ABCA12: variants seen among roughly 807,000 people sequenced by gnomAD.
ABCA12 encodes the protein ATP binding cassette subfamily A member 12.
A neutral mutation model predicts 293.5 loss-of-function variants in ABCA12; 156 were observed. The observed-to-expected ratio is 0.53, with a 90% CI of 0.47 to 0.61. The LOEUF is 0.61. Among genes scored for constraint, ABCA12 ranks in the 20% least tolerant of loss-of-function variants. The pLI is 0.00. For missense variants in ABCA12, 2,797 were observed against 3,090.2 expected, an observed-to-expected ratio of 0.91 and a Z score of 2.25; for synonymous variants, 1,063 against 1,108.0, an observed-to-expected ratio of 0.96 and a Z score of 0.81.
chr2:215,075,368 T>C, intron 2 of ABCA12: 1 of 517,552 alleles, frequency 1.9e-6, no homozygotes, highest in Non-Finnish European at 3.4e-6. Context: ...TCTTTGCCCT[T>C]CTAGTAACCT....
At chr2:215,067,324 G>A (rs557739194) in intron 2 of ABCA12, among the ~76,000 whole-genome samples, 20 of 152,206 alleles carry the variant, frequency 1.3e-4, no homozygotes, top group African/African-American at 4.3e-4. Flanking sequence ...CATAGGAATT[G>A]CAAAATTAAA....
chr2:214,981,975 A>ATTTTTTTTT (rs1559128748), intron 30 of ABCA12, among the ~76,000 whole-genome samples: 1 of 134,222 alleles, frequency 7.5e-6, no homozygotes, highest in African/African-American at 2.9e-5. Flanking sequence ...TATTATTATT[A>ATTTTTTTTT]TTATTATTAT....
intron 23 of ABCA12, among the ~76,000 whole-genome samples, chr2:214,996,930 C>T (rs1700047538): frequency 6.6e-6 from 1 of 152,152 alleles, no homozygotes; most frequent in Non-Finnish European, 1.5e-5. Context: ...CCTTTGTTTC[C>T]ACTCCATGAG....
intron 2 of ABCA12, among the ~76,000 whole-genome samples, chr2:215,087,892 T>C (rs1052669897): frequency 2.6e-5 from 4 of 152,230 alleles, no homozygotes; most frequent in African/African-American, 9.6e-5. Context: ...TTGGCTCACC[T>C]GGTCATTTCA....
intron 19 of ABCA12, among the ~76,000 whole-genome samples, chr2:215,005,668 C>T (rs1700237781): frequency 6.6e-6 from 1 of 152,148 alleles, no homozygotes; most frequent in Non-Finnish European, 1.5e-5. Context: ...GGAGACAATC[C>T]ATTAAACCCT....
chr2:215,112,033 A>G (rs1410175642), intron 1 of ABCA12, among the ~76,000 whole-genome samples: 1 of 152,098 alleles, frequency 6.6e-6, no homozygotes, highest in Non-Finnish European at 1.5e-5. Flanking sequence ...CCACTTCCCT[A>G]TTGGATAAGA....
Position 215,000,975 on chromosome 2 carries a change from T to G in ABCA12, c.2909A>C (p.Tyr970Ser). ...AGGAAGAAAGACATTTCCAGAGTCA[T>G]AGCCTCTGTGCCAGCTTCTGTTAGA... ...LPSNRSWHRG[Y>S]DSGNVFLPPV... Residue 970 changes from tyrosine (Y) to serine (S), a missense_variant, in exon 22 of 53, where the codon TAT becomes TCT. Transcript: ENST00000272895. 4 of 1,614,084 alleles carry G rather than the reference T, an allele frequency of 2.5e-6. No homozygotes were observed. The highest frequency in any genetic ancestry group is 3.4e-6 in the Non-Finnish European group (4 of 1,179,974).
At chr2:214,937,325 A>T (rs1170406406) in intron 51 of ABCA12, among the ~76,000 whole-genome samples, 185 bp downstream of exon 51, 2 of 152,102 alleles carry the variant, frequency 1.3e-5, no homozygotes, top group African/African-American at 4.8e-5. Flanking sequence ...CAGCCTCCCG[A>T]GTAGCTGGGA....
intron 8 of ABCA12, among the ~76,000 whole-genome samples, chr2:215,034,447 G>A (rs1377634486): frequency 6.6e-6 from 1 of 152,074 alleles, no homozygotes; most frequent in Non-Finnish European, 1.5e-5. Context: ...TGGAAAAAAT[G>A]TAGCATATGG....
chr2:214,980,652 T>C lies in ABCA12; in HGVS notation c.4580-9A>G. On this transcript the variant is annotated splice_polypyrimidine_tract_variant and intron_variant, in intron 30 of 52. Transcript: ENST00000272895. ...CAGAATGATTGTTCTGGCTTGAAAA[T>C]ACAGACAAGAACAACAGGGAATGAA... The C allele has an allele frequency of 6.2e-7, 1 of 1,613,828 alleles. No homozygotes were observed. Among genetic ancestry groups the C allele is most frequent in the Non-Finnish European group, 8.5e-7 (1 of 1,179,918 alleles).
intron 2 of ABCA12, among the ~76,000 whole-genome samples, chr2:215,072,881 G>A (rs1016383869): frequency 2.0e-5 from 3 of 152,206 alleles, no homozygotes; most frequent in African/African-American, 7.2e-5. Context: ...CGGATCACGA[G>A]GTCAGGAGTT....
chr2:215,062,074 T>C (rs1196369180), intron 3 of ABCA12, among the ~76,000 whole-genome samples: 2 of 152,046 alleles, frequency 1.3e-5, no homozygotes, highest in Non-Finnish European at 2.9e-5. Context: ...TTTGTGAAGA[T>C]TTACCTGATT....
chr2:215,019,662 G>A lies in ABCA12; in HGVS notation c.1422C>T (p.Leu474=), dbSNP rs142374853. The A allele has an allele frequency of 9.3e-5, 150 of 1,614,058 alleles. No homozygotes were observed. Among genetic ancestry groups the A allele is most frequent in the Admixed American group, 1.5e-4 (9 of 60,000 alleles). The part of the protein sequence containing the change: ...CEESEFDLQL[L]EAAELGTEIA... ...TTTCGGTGCCCAGCTCTGCCGCTTC[G>A]AGGAGTTGCAGATCAAACTCACTTT... Residue 474 remains leucine (L), a synonymous_variant, in exon 12 of 53, where the codon CTC becomes CTT. Transcript: ENST00000272895.
At chr2:215,013,837 CAA>C (rs71903905) in intron 15 of ABCA12, among the ~76,000 whole-genome samples, 274 of 152,262 alleles carry the variant, frequency 1.8e-3, no homozygotes, top group African/African-American at 6.2e-3. Context: ...TTTCAGTGAA[CAA>C]AGAGGCCCTT....
chr2:214,937,986 G>T (rs1338466027), intron 50 of ABCA12, among the ~76,000 whole-genome samples: 1 of 151,708 alleles, frequency 6.6e-6, no homozygotes, highest in Non-Finnish European at 1.5e-5. Flanking sequence ...TTTAAGTTCT[G>T]GGATACATGT....
At position 214,990,842 on chromosome 2, in the gene ABCA12, T is replaced by C. The variant is rs1291026411; in HGVS notation, c.3484A>G (p.Ser1162Gly). The change falls in exon 24 of 53, where the codon AGC (serine) becomes GGC (glycine). Residue 1162 changes from serine to glycine, a missense_variant. Ser to Gly is a moderately conservative substitution (Grantham distance 56). Coordinates refer to ENST00000272895, the MANE Select transcript of ABCA12 (RefSeq NM_173076.3). ...TTGAAGAAGACACTGATAAGATAGC[T>C]CATGGCAATAACCGAGAAGCTGTAG... The part of the protein sequence containing the change: ...SDYSFSVIAM[S>G]YLISVFFNNT... 4 of 1,614,074 alleles carry C rather than the reference T, an allele frequency of 2.5e-6. No individual in the cohort carries two copies. Among genetic ancestry groups the C allele is most frequent in the Non-Finnish European group, 1.7e-6 (2 of 1,179,978 alleles).
intron 7 of ABCA12, among the ~76,000 whole-genome samples, chr2:215,040,524 G>T (rs1701077062): frequency 6.6e-6 from 1 of 152,068 alleles, no homozygotes; most frequent in Non-Finnish European, 1.5e-5. Context: ...AATACAAAAT[G>T]TTGGCTGGGC....
intron 2 of ABCA12, chr2:215,075,747 C>A: frequency 1.8e-6 from 1 of 563,470 alleles, no homozygotes; most frequent in South Asian, 2.4e-5. Context: ...GTAATTACCC[C>A]AATAGAGGTA....
At chr2:214,975,084 A>G (rs999226212) in intron 34 of ABCA12, among the ~76,000 whole-genome samples, 2 of 152,100 alleles carry the variant, frequency 1.3e-5, no homozygotes, top group African/African-American at 4.8e-5. Context: ...TATACCTCAG[A>G]CACCCGAATT....
Sources: allele counts gnomAD v4.1 joint callset (sites outside exome capture counted in the v4.1 genomes callset), GRCh38; gene constraint gnomAD v4.1.1; transcripts MANE v1.5; gene names NCBI Gene and HGNC (gene_info 2026-07-23, HGNC 2026-07-21).